Variants in IGFL2 observed in about 807,000 individuals in gnomAD.
The protein encoded by IGFL2 is insulin growth factor-like family member 2.
Under a neutral mutation model 13.9 loss-of-function variants are expected in IGFL2, and 7 were observed. The observed-to-expected ratio is 0.51, with a 90% confidence interval of 0.29 to 0.95. IGFL2 has a LOEUF of 0.95. Ranked by LOEUF, IGFL2 falls within the 40% of genes least tolerant of loss-of-function variation. The probability of loss-of-function intolerance (pLI) is 0.08; values close to 1 mark genes in which losing one functional copy is unlikely to be tolerated. For missense variants in IGFL2, 138 were observed against 147.8 expected (o/e 0.93, Z 0.34); for synonymous variants, 55 against 55.8 (o/e 0.99, Z 0.07).
At chr19:46,124,378 A>AAAACAAAC in the IGFL2 span, 43 of 1,525,034 alleles carry the variant, frequency 2.8e-5, no homozygotes, top group Non-Finnish European at 3.8e-5. Context: ...AAGTATGGAA[A>AAAACAAAC]AAACAAACAA....
intron 1 of IGFL2, among the ~76,000 whole-genome samples, chr19:46,155,692 A>T (rs116728601): frequency 0.014 from 2,128 of 152,250 alleles, 55 homozygotes; most frequent in African/African-American, 0.049. Flanking sequence ...TTTGTGTGAG[A>T]TAAGGGTCAA....
chr19:46,088,290 C>G, the IGFL2 span, among the ~76,000 whole-genome samples: 2 of 152,118 alleles, frequency 1.3e-5, no homozygotes, highest in Non-Finnish European at 2.9e-5. Flanking sequence ...TAAAGTCTTT[C>G]CTTTATTCTG....
chr19:46,138,881 A>G (rs1600859895), upstream of IGFL2, among the ~76,000 whole-genome samples: 1 of 152,104 alleles, frequency 6.6e-6, no homozygotes, highest in East Asian at 1.9e-4. Flanking sequence ...TAGAGGAGCA[A>G]GGTGAGCCTT....
the IGFL2 span, among the ~76,000 whole-genome samples, chr19:46,085,241 CAAAA>C: frequency 1.3e-5 from 2 of 151,960 alleles, no homozygotes; most frequent in African/African-American, 4.8e-5. Flanking sequence ...AAAAGGAAAA[CAAAA>C]AACACCAAAA....
upstream of IGFL2, among the ~76,000 whole-genome samples, chr19:46,145,676 G>A (rs546893298): frequency 8.5e-4 from 127 of 149,998 alleles, 2 homozygotes; most frequent in Middle Eastern, 0.017. Context: ...TTTAAATTTT[G>A]CCAATTCTAG....
intron 1 of IGFL2, among the ~76,000 whole-genome samples, chr19:46,158,386 T>G (rs1406911357): frequency 6.6e-6 from 1 of 151,978 alleles, no homozygotes; most frequent in Non-Finnish European, 1.5e-5. Context: ...TTTTTTTGTA[T>G]TTTTAGTAGA....
chr19:46,129,307 T>TTGTG, the IGFL2 span, among the ~76,000 whole-genome samples: 4,269 of 136,962 alleles, frequency 0.031, 83 homozygotes, highest in African/African-American at 0.054. Context: ...TGTTGATCTT[T>TTGTG]TGTGTGTGTG....
intron 1 of IGFL2, among the ~76,000 whole-genome samples, chr19:46,150,953 A>G (rs1025200616): frequency 2.0e-5 from 3 of 152,362 alleles, no homozygotes; most frequent in Admixed American, 2.0e-4. Context: ...GGTATGAGCC[A>G]TCACGTCCAG....
chr19:46,090,813 C>T, the IGFL2 span, among the ~76,000 whole-genome samples: 1 of 152,194 alleles, frequency 6.6e-6, no homozygotes, highest in Admixed American at 6.5e-5. Flanking sequence ...GGTTCCCGGG[C>T]AGCTCTGGAA....
At chr19:46,100,155 C>G in the IGFL2 span, among the ~76,000 whole-genome samples, 1 of 152,176 alleles carries the variant, frequency 6.6e-6, no homozygotes, top group African/African-American at 2.4e-5. Flanking sequence ...GTTCTGTACC[C>G]TTGCTGGAGA....
the IGFL2 span, chr19:46,200,857 T>C: frequency 6.6e-6 from 1 of 152,124 alleles, no homozygotes; most frequent in Non-Finnish European, 1.5e-5. Flanking sequence ...CTGGAAAAAA[T>C]ATAAATTCTC....
At chr19:46,175,478 G>C in the IGFL2 span, among the ~76,000 whole-genome samples, 5 of 152,068 alleles carry the variant, frequency 3.3e-5, no homozygotes, top group Non-Finnish European at 5.9e-5. Context: ...AAATTTAAGA[G>C]GGTGTCAAAA....
the IGFL2 span, among the ~76,000 whole-genome samples, chr19:46,201,959 G>A: frequency 3.3e-5 from 5 of 152,194 alleles, no homozygotes; most frequent in African/African-American, 1.2e-4. Context: ...AGCTGGACCG[G>A]TTGTGAGTGG....
the IGFL2 span, among the ~76,000 whole-genome samples, chr19:46,191,991 T>A: frequency 2.0e-5 from 3 of 152,264 alleles, no homozygotes; most frequent in Admixed American, 2.0e-4. Context: ...GGTGTTCTTT[T>A]AAAACTTCAT....
chr19:46,135,433 C>T, the IGFL2 span, among the ~76,000 whole-genome samples: 1 of 152,092 alleles, frequency 6.6e-6, no homozygotes, highest in Admixed American at 6.5e-5. Flanking sequence ...GTTTGCATCT[C>T]CCCCGAGAGC....
chr19:46,108,405 G>T, the IGFL2 span, among the ~76,000 whole-genome samples: 7 of 152,312 alleles, frequency 4.6e-5, no homozygotes, highest in African/African-American at 1.7e-4. Flanking sequence ...TGGCCATTTA[G>T]AGCCATTATC....
the IGFL2 span, chr19:46,124,790 A>G: frequency 5.5e-6 from 4 of 732,990 alleles, no homozygotes; most frequent in African/African-American, 7.1e-5. Flanking sequence ...CAGTCTCCCA[A>G]GCACATTCCT....
chr19:46,156,898 C>T (rs1973855748), intron 1 of IGFL2, among the ~76,000 whole-genome samples: 1 of 151,928 alleles, frequency 6.6e-6, no homozygotes, highest in Non-Finnish European at 1.5e-5. Flanking sequence ...TAGCAAAACT[C>T]TCAAAAATTC....
At chr19:46,200,263 G>C in the IGFL2 span, among the ~76,000 whole-genome samples, 1 of 151,846 alleles carries the variant, frequency 6.6e-6, no homozygotes, top group Non-Finnish European at 1.5e-5. Context: ...CCACTTCTCA[G>C]GCTCAGGAAA....
Sources: allele counts gnomAD v4.1 joint callset (sites outside exome capture counted in the v4.1 genomes callset), GRCh38; gene constraint gnomAD v4.1.1; transcripts MANE v1.5; gene names NCBI Gene and HGNC (gene_info 2026-07-23, HGNC 2026-07-21).